Variants in KANK1 observed in about 807,000 individuals in gnomAD.
KANK1 encodes the protein KN motif and ankyrin repeat domains 1.
Under a neutral mutation model 106.2 loss-of-function variants are expected in KANK1, and 109 were observed. That is an observed-to-expected ratio of 1.03 (90% CI 0.88 to 1.20). The LOEUF is 1.20. Among genes scored for constraint, KANK1 ranks in the 50% most tolerant of loss-of-function variants. The pLI is 0.00. For missense variants in KANK1, 2,399 were observed against 1,710.7 expected (o/e 1.40, Z -7.10); for synonymous variants, 873 against 652.2 (o/e 1.34, Z -5.16).
At chr9:480,975 A>C (rs1039691324) in intron 3 of KANK1, among the ~76,000 whole-genome samples, 2 of 152,216 alleles carry the variant, frequency 1.3e-5, no homozygotes, top group African/African-American at 4.8e-5. Flanking sequence ...AACCCACCTA[A>C]GTGAAAAAAT....
intron 2 of KANK1, among the ~76,000 whole-genome samples, chr9:709,740 C>G (rs750794332): frequency 9.2e-5 from 14 of 151,890 alleles, no homozygotes; most frequent in Non-Finnish European, 1.9e-4. Flanking sequence ...CTCAGCCTCC[C>G]AAGTAACTGG....
intron 1 of KANK1, among the ~76,000 whole-genome samples, chr9:516,401 G>A (rs1032862148): frequency 4.0e-5 from 6 of 151,762 alleles, no homozygotes; most frequent in African/African-American, 1.5e-4. Flanking sequence ...GCATGAAACA[G>A]TTGGGAGAAG....
At chr9:725,832 C>G (rs1174168581) in intron 3 of KANK1, among the ~76,000 whole-genome samples, 1 of 152,122 alleles carries the variant, frequency 6.6e-6, no homozygotes, top group Non-Finnish European at 1.5e-5. Context: ...AACACTTAAG[C>G]TGCTTTTCTT....
intron 1 of KANK1, among the ~76,000 whole-genome samples, chr9:627,218 C>T (rs1834559717): frequency 6.6e-6 from 1 of 152,150 alleles, no homozygotes; most frequent in Admixed American, 6.5e-5. Flanking sequence ...ATCCAGAAAC[C>T]TGTGATGGAT....
chr9:608,911 T>A (rs1476172146), intron 1 of KANK1, among the ~76,000 whole-genome samples: 2 of 152,284 alleles, frequency 1.3e-5, no homozygotes, highest in Non-Finnish European at 2.9e-5. Flanking sequence ...ATTGCTTCAA[T>A]AGAGCATTTT....
intron 1 of KANK1, among the ~76,000 whole-genome samples, chr9:648,552 C>T (rs916804944): frequency 7.2e-5 from 11 of 151,946 alleles, no homozygotes; most frequent in Non-Finnish European, 1.5e-4. Context: ...GCTCTGAGCG[C>T]GAGGCTCTCA....
chr9:476,258 C>T (rs539717789), intron 3 of KANK1, among the ~76,000 whole-genome samples: 5 of 152,058 alleles, frequency 3.3e-5, no homozygotes, highest in Non-Finnish European at 5.9e-5. Flanking sequence ...TGGTGGCTCA[C>T]GCCTGTAATC....
chr9:475,288 C>A (rs1171180065), intron 3 of KANK1, among the ~76,000 whole-genome samples: 2 of 151,936 alleles, frequency 1.3e-5, no homozygotes, highest in African/African-American at 4.8e-5. Context: ...TGCATGCTCC[C>A]CTCCCAAATG....
chr9:675,716 C>G (rs1816279191), intron 1 of KANK1, among the ~76,000 whole-genome samples: 1 of 152,000 alleles, frequency 6.6e-6, no homozygotes, highest in Admixed American at 6.5e-5. Flanking sequence ...GGATCTCTCA[C>G]AAGAAGGAAT....
intron 1 of KANK1, among the ~76,000 whole-genome samples, chr9:667,415 G>C (rs1002057921): frequency 6.6e-6 from 1 of 150,750 alleles, no homozygotes; most frequent in African/African-American, 2.4e-5. Context: ...ATTTATTTTT[G>C]CTCTGATCTT....
intron 1 of KANK1, among the ~76,000 whole-genome samples, chr9:626,493 T>G (rs1341686214): frequency 1.3e-5 from 2 of 152,242 alleles, no homozygotes; most frequent in African/African-American, 4.8e-5. Context: ...ACAAATATTC[T>G]GAATGCTCCT....
intron 1 of KANK1, among the ~76,000 whole-genome samples, chr9:590,274 G>A (rs978922065): frequency 6.6e-6 from 1 of 152,092 alleles, no homozygotes; most frequent in Non-Finnish European, 1.5e-5. Flanking sequence ...TGTTATTATA[G>A]TCAGGGAGGT....
intron 1 of KANK1, among the ~76,000 whole-genome samples, chr9:648,278 A>T (rs958306482): frequency 2.6e-5 from 4 of 152,054 alleles, no homozygotes; most frequent in African/African-American, 9.7e-5. Flanking sequence ...CTGAGATTAC[A>T]GGCGTGAGCC....
chr9:661,295 C>T (rs1225279819), intron 1 of KANK1, among the ~76,000 whole-genome samples: 2 of 148,404 alleles, frequency 1.3e-5, no homozygotes, highest in African/African-American at 2.4e-5. Context: ...CCACAACAGG[C>T]CCCAGTGTGT....
At chr9:624,244 A>G (rs1833842348) in intron 1 of KANK1, among the ~76,000 whole-genome samples, 1 of 152,152 alleles carries the variant, frequency 6.6e-6, no homozygotes, top group African/African-American at 2.4e-5. Context: ...AAACGGTGAG[A>G]TGCTGGTCAA....
At chr9:553,521 C>G (rs1030129133) in intron 1 of KANK1, among the ~76,000 whole-genome samples, 2 of 152,182 alleles carry the variant, frequency 1.3e-5, no homozygotes, top group African/African-American at 4.8e-5. Flanking sequence ...CCTTGATCTT[C>G]CGCACCCTGT....
intron 2 of KANK1, among the ~76,000 whole-genome samples, chr9:694,613 C>T (rs1176219508): frequency 3.9e-5 from 6 of 152,152 alleles, no homozygotes; most frequent in Non-Finnish European, 5.9e-5. Flanking sequence ...CTGTATAAAC[C>T]GCAAGGCCCC....
intron 1 of KANK1, among the ~76,000 whole-genome samples, chr9:605,503 T>G (rs1828879522): frequency 1.3e-5 from 2 of 151,420 alleles, no homozygotes; most frequent in Admixed American, 1.3e-4. Flanking sequence ...GAAAAACCAG[T>G]GAAGTCCTCC....
At chr9:657,302 T>G (rs79503867) in intron 1 of KANK1, among the ~76,000 whole-genome samples, 2,028 of 152,340 alleles carry the variant, frequency 0.013, 47 homozygotes, top group African/African-American at 0.047. Flanking sequence ...CTTCTGCATG[T>G]TGGTCATTGT....
Sources: gnomAD v4.1 joint callset for allele counts (sites outside exome capture counted in the v4.1 genomes callset) on GRCh38, gnomAD v4.1.1 for gene constraint, MANE v1.5 for transcripts, NCBI Gene and HGNC (gene_info 2026-07-23, HGNC 2026-07-21) for gene names.